The following BAIAP2 variants were observed in gnomAD, a reference collection of about 807,000 sequenced individuals.
BAIAP2 encodes BAR/IMD domain-containing adapter protein 2.
Under a neutral mutation model 63.0 loss-of-function variants are expected in BAIAP2, and 18 were observed. The observed-to-expected ratio is 0.29, with a 90% CI of 0.20 to 0.42. BAIAP2 has a LOEUF of 0.42. BAIAP2 is among the 10% of genes least tolerant of loss of function. The pLI, the probability that BAIAP2 is intolerant of heterozygous loss-of-function variation, is 1.00. For missense variants in BAIAP2, 610 were observed against 734.3 expected (o/e 0.83, Z 1.96); for synonymous variants, 386 against 307.6 (o/e 1.25, Z -2.67).
In BAIAP2 at chr17:81,103,628, G is replaced by T; in HGVS notation, c.769G>T (p.Ala257Ser). 1 of 1,605,532 alleles carries T rather than the reference G, an allele frequency of 6.2e-7. No individual in the cohort carries two copies. The highest frequency in any genetic ancestry group is 8.5e-7 in the Non-Finnish European group (1 of 1,178,834). Residue 257 changes from alanine to serine, a missense_variant, in exon 8 of 14, where the codon GCC (alanine) becomes TCC (serine). Transcript: ENST00000428708. ...VASNGATLPSALSASKSNLVI... is the reference protein window; with the variant it reads ...VASNGATLPSSLSASKSNLVI... The stretch of plus-strand genomic sequence containing the variant: ...CAGCAACGGCGCCACCCTCCCCAGC[G>T]CCCTGTCGGCCTCCAAGTCCAACCT...
At chr17:81,049,397 G>T (rs890824170) in intron 1 of BAIAP2, among the ~76,000 whole-genome samples, 2 of 152,208 alleles carry the variant, frequency 1.3e-5, no homozygotes, top group Non-Finnish European at 2.9e-5. Flanking sequence ...CCGTGTGGGG[G>T]TGGCGCCTCT....
At chr17:81,065,486 C>T (rs112458155) in intron 3 of BAIAP2, among the ~76,000 whole-genome samples, 15 of 152,294 alleles carry the variant, frequency 9.8e-5, no homozygotes, top group South Asian at 6.2e-4. Context: ...GCCGCTGGGC[C>T]GTGTGGGTGC....
chr17:81,091,507 G>T (rs1368647055), intron 6 of BAIAP2, among the ~76,000 whole-genome samples: 1 of 152,154 alleles, frequency 6.6e-6, no homozygotes, highest in Admixed American at 6.5e-5. Context: ...CCCTGGACCT[G>T]CCTGCCCCCA....
intron 1 of BAIAP2, among the ~76,000 whole-genome samples, chr17:81,048,964 GCCTTCATGGGCAGGACCC>G (rs1444119945): frequency 1.3e-5 from 2 of 152,196 alleles, no homozygotes; most frequent in Non-Finnish European, 2.9e-5. Flanking sequence ...GGGCCGGACC[GCCTTCATGGGCAGGACCC>G]CCTTCATAGG....
intron 3 of BAIAP2, among the ~76,000 whole-genome samples, chr17:81,068,792 TGGG>T (rs1297149370): frequency 6.6e-6 from 1 of 152,134 alleles, no homozygotes; most frequent in African/African-American, 2.4e-5. Context: ...TTTCTCAGGA[TGGG>T]GGGCCATATC....
At chr17:81,075,536 C>T (rs867653992) in intron 3 of BAIAP2, among the ~76,000 whole-genome samples, 2 of 152,236 alleles carry the variant, frequency 1.3e-5, no homozygotes, top group African/African-American at 4.8e-5. Flanking sequence ...CGTTCATCTG[C>T]TCACTAGACG....
rs1373626585 is a variant in BAIAP2 at position 81,046,677 on chromosome 17, G to T, written c.55-6991G>T. ...TGGCCCCCGGACAGCAAGCTCTGAGGTGTCCTCCCGCGAGGACACTGTCCA... is the reference window on the plus strand; with the variant it reads ...TGGCCCCCGGACAGCAAGCTCTGAGTTGTCCTCCCGCGAGGACACTGTCCA... On this transcript the variant is annotated intron_variant, in intron 1 of 13. Transcript: ENST00000428708. The surrounding 1 kb of genome is among the most constrained non-coding windows in gnomAD (Gnocchi z 4.5). Among the ~76,000 whole-genome samples, 1 of 152,182 alleles carries T rather than the reference G, an allele frequency of 6.6e-6. No homozygotes were observed. The highest frequency in any genetic ancestry group is 1.5e-5 in the Non-Finnish European group (1 of 68,030).
At chr17:81,070,299 G>T (rs1410312573) in intron 3 of BAIAP2, among the ~76,000 whole-genome samples, 1 of 152,172 alleles carries the variant, frequency 6.6e-6, no homozygotes, top group African/African-American at 2.4e-5. Context: ...ATGAAGAAAG[G>T]AACAGGCCCT....
Position 81,055,569 on chromosome 17 carries a change from G to GTTTTTTTTTTTTTTTTT in BAIAP2, c.130+1830_130+1831insTTTTTTTTTTTTTTTTT, listed in dbSNP as rs1555657837. ...TTCCTCCAGCGAAAGTCTGCAGGGT[G>GTTTTTTTTTTTTTTTTT]TTTTGTTTTTTTTTGAGACGGAGTC... On this transcript the variant is annotated intron_variant, in intron 2 of 13. Transcript: ENST00000428708. 3.2e-4 allele frequency among the ~76,000 whole-genome samples: 30 copies of GTTTTTTTTTTTTTTTTT among 94,202 alleles called. 1 individual carries two copies. The highest frequency in any genetic ancestry group is 2.4e-4 in the Non-Finnish European group (11 of 46,760). The allele number at this position is 94,202 out of a possible 152,430, so 61.8% of individuals were successfully genotyped here.
intron 3 of BAIAP2, among the ~76,000 whole-genome samples, chr17:81,068,496 G>T (rs1189472993): frequency 6.6e-6 from 1 of 152,214 alleles, no homozygotes; most frequent in East Asian, 1.9e-4. Context: ...GGAGGGCAGC[G>T]ATGCAGGGCC....
At chr17:81,070,824 C>T (rs746178949) in intron 3 of BAIAP2, among the ~76,000 whole-genome samples, 5 of 152,210 alleles carry the variant, frequency 3.3e-5, no homozygotes, top group East Asian at 1.9e-4. Context: ...GCCAGAGGCC[C>T]GGGCAGGCCT....
intron 1 of BAIAP2, among the ~76,000 whole-genome samples, chr17:81,039,883 G>A (rs776315826): frequency 5.3e-5 from 8 of 152,200 alleles, no homozygotes; most frequent in Non-Finnish European, 1.2e-4. Flanking sequence ...CGAGCTCCAG[G>A]AGGCAGACTG....
intron 6 of BAIAP2, among the ~76,000 whole-genome samples, chr17:81,098,990 CCCCA>C (rs2058104076): frequency 1.3e-5 from 2 of 150,616 alleles, no homozygotes; most frequent in African/African-American, 4.9e-5. Context: ...CCCCCCATCC[CCCCA>C]TCCCCCCATC....
chr17:81,087,073 G>C (rs1310171479), intron 6 of BAIAP2: 2 of 165,576 alleles, frequency 1.2e-5, no homozygotes, highest in African/African-American at 2.4e-5. Context: ...CCGATGACAG[G>C]CACGGCCTGA....
Position 81,044,760 on chromosome 17 carries a change from C to T in BAIAP2, c.55-8908C>T, listed in dbSNP as rs185833317. Reference sequence around the variant, plus strand: ...TTTTCCCTTCCAACCTCAGTCAGATCGCAGCCCGCAGTTTATGACAACAGG... The same window carrying T: ...TTTTCCCTTCCAACCTCAGTCAGATTGCAGCCCGCAGTTTATGACAACAGG... On this transcript the variant is annotated intron_variant, in intron 1 of 13. Transcript: ENST00000428708. Among the ~76,000 whole-genome samples, 725 of 152,342 alleles carry T rather than the reference C, an allele frequency of 4.8e-3. 3 individuals are homozygous for T. Among genetic ancestry groups the T allele is most frequent in the Non-Finnish European group, 7.5e-3 (512 of 68,036 alleles).
chr17:81,066,817 A>T (rs11651813), intron 3 of BAIAP2, among the ~76,000 whole-genome samples: 1 of 151,990 alleles, frequency 6.6e-6, no homozygotes, highest in South Asian at 2.1e-4. Flanking sequence ...CAGTGCACCC[A>T]GGGGCCCATG....
chr17:81,040,902 G>A (rs2046985212), intron 1 of BAIAP2, among the ~76,000 whole-genome samples: 1 of 152,220 alleles, frequency 6.6e-6, no homozygotes, highest in African/African-American at 2.4e-5. Flanking sequence ...AGAAAGCCCA[G>A]GGAGCAAGAG....
chr17:81,108,787 T>TGGCTGGGGCTGCAGCCTCCTC, intron 13 of BAIAP2: 1 of 1,058,820 alleles, frequency 9.4e-7, no homozygotes, highest in Non-Finnish European at 1.3e-6. Flanking sequence ...CTGGCATCCA[T>TGGCTGGGGCTGCAGCCTCCTC]GGCTGGGGCT....
chr17:81,055,574 G>GTTTTTTGTGTTTTTTTTGTTTT (rs370775327), intron 2 of BAIAP2, among the ~76,000 whole-genome samples: 1 of 123,406 alleles, frequency 8.1e-6, no homozygotes, highest in African/African-American at 2.9e-5. Context: ...AGGGTGTTTT[G>GTTTTTTGTGTTTTTTTTGTTTT]TTTTTTTTTG....
Sources: allele counts gnomAD v4.1 joint callset (sites outside exome capture counted in the v4.1 genomes callset), GRCh38; gene constraint gnomAD v4.1.1; non-coding constraint Gnocchi (gnomAD v3.1); transcripts MANE v1.5; gene names NCBI Gene and HGNC (gene_info 2026-07-23, HGNC 2026-07-21).